FNIP2: variants seen among roughly 807,000 people sequenced by gnomAD.
FNIP2 encodes the protein folliculin-interacting protein 2.
A neutral mutation model predicts 108.7 loss-of-function variants in FNIP2; 32 were observed. That is an observed-to-expected ratio of 0.29 (90% CI 0.22 to 0.40). The LOEUF (loss-of-function observed/expected upper bound fraction) is 0.40, where lower values mean the gene tolerates loss of function less well. Among genes scored for constraint, FNIP2 ranks in the 10% least tolerant of loss-of-function variants. The pLI is 1.00. For synonymous variants in FNIP2, 480 were observed against 496.7 expected, an observed-to-expected ratio of 0.97 and a Z score of 0.45; for missense variants, 1,202 against 1,381.6, an observed-to-expected ratio of 0.87 and a Z score of 2.06.
At chr4:158,784,263 T>C (rs1207414893) in intron 1 of FNIP2, among the ~76,000 whole-genome samples, 1 of 152,230 alleles carries the variant, frequency 6.6e-6, no homozygotes. Context: ...AAATTACTTC[T>C]GTAGAAATTC....
At chr4:158,804,654 C>T (rs866846884) in intron 1 of FNIP2, among the ~76,000 whole-genome samples, 43 of 152,120 alleles carry the variant, frequency 2.8e-4, no homozygotes, top group African/African-American at 1.0e-3. Context: ...TCAAGTAGTC[C>T]TCTCGCCTTG....
chr4:158,900,178 G>A (rs571026795), intron 16 of FNIP2, among the ~76,000 whole-genome samples: 1 of 152,290 alleles, frequency 6.6e-6, no homozygotes, highest in Non-Finnish European at 1.5e-5. Context: ...TTAATCCTGA[G>A]TTCTAATTTG....
At chr4:158,878,738 G>C (rs975325255) in intron 14 of FNIP2, among the ~76,000 whole-genome samples, 1 of 152,026 alleles carries the variant, frequency 6.6e-6, no homozygotes, top group African/African-American at 2.4e-5. Flanking sequence ...AGGAGAATCA[G>C]CACTCCTCCA....
intron 1 of FNIP2, among the ~76,000 whole-genome samples, chr4:158,813,891 C>A (rs556059009): frequency 6.6e-6 from 1 of 152,226 alleles, no homozygotes; most frequent in Admixed American, 6.5e-5. Flanking sequence ...CTTTTTTTTG[C>A]ACCTGGATGT....
rs959158472 is a variant in FNIP2, at chr4:158,851,259, C to A, written c.728-62C>A. The stretch of plus-strand genomic sequence containing the variant: ...TATTAAATACATTCTTAATGTTGTG[C>A]ATTATGTAGCTACATGAGGACTAAT... On this transcript the variant is annotated intron_variant, in intron 7 of 16. Transcript: ENST00000264433. 1.4e-5 allele frequency: 22 copies of A among 1,568,528 alleles called. No individual in the cohort carries two copies. The African/African-American group carries it at 2.8e-4, about 20-fold the overall frequency.
chr4:158,842,657 C>T (rs753838387), intron 7 of FNIP2, among the ~76,000 whole-genome samples: 1 of 152,062 alleles, frequency 6.6e-6, no homozygotes, highest in South Asian at 2.1e-4. Flanking sequence ...AACATATCCA[C>T]GTAACAAAAC....
At position 158,868,669 on chromosome 4, in the gene FNIP2, A is replaced by G; in HGVS notation, c.2033A>G (p.Asp678Gly). The G allele has an allele frequency of 6.2e-7, 1 of 1,614,044 alleles. No homozygotes were observed. Among genetic ancestry groups the G allele is most frequent in the Non-Finnish European group, 8.5e-7 (1 of 1,179,902 alleles). ...GTTTTGGGGGCAGGAATGAAGATGG[A>G]CCAGCAAGCTGTCTGTGAGCTGTTG... is the stretch of plus-strand genomic sequence containing the variant. ...CEVLGAGMKM[D>G]QQAVCELLKV... Residue 678 changes from aspartate (D) to glycine (G), a missense_variant, in exon 13 of 17, where the codon GAC becomes GGC. This residue lies in a region of FNIP2 where 878 missense variants were observed against 990.3 expected (regional missense o/e 0.89). Coordinates refer to ENST00000264433, the MANE Select transcript of FNIP2 (RefSeq NM_020840.3). The surrounding 1 kb of genome is among the most constrained non-coding windows in gnomAD (Gnocchi z 4.6).
rs879426999 is a variant in FNIP2, at chr4:158,868,026, C to G, written c.1466-76C>G. 1.3e-6 allele frequency: 2 copies of G among 1,548,584 alleles called. No homozygotes were observed. The highest frequency in any genetic ancestry group is 1.7e-6 in the Non-Finnish European group (2 of 1,143,216). ...TTGGGAATATAAGTTATCTGTTTTG[C>G]TCTTGTAAAGACGGATATATCTGTG... On this transcript the variant is annotated intron_variant, in intron 12 of 16. Coordinates refer to ENST00000264433, the MANE Select transcript of FNIP2 (RefSeq NM_020840.3). This position sits in a 1 kb window ranked among gnomAD's most constrained non-coding sequence, Gnocchi z 4.6.
chr4:158,769,148 CCCCCGGCTGCGCGCTGAGCCGCCGG>C lies in FNIP2; in HGVS notation c.-60_-36del. The C allele has an allele frequency of 1.3e-6, 1 of 784,202 alleles. No individual in the cohort carries two copies. Among genetic ancestry groups the C allele is most frequent in the Non-Finnish European group, 1.5e-6 (1 of 646,224 alleles). The allele number at this position is 784,202 out of a possible 1,614,324, so 48.6% of individuals were successfully genotyped here. A position where few individuals can be genotyped will look rare whatever the true frequency, so the allele number is the denominator to read the frequency against. On this transcript the variant is annotated 5_prime_UTR_variant, in exon 1 of 17. The change abolishes the stop of an existing upstream ORF in the 5' untranslated region. Transcript: ENST00000264433. ...GATGGCCCCGCCACCGCGGCCGCCG[CCCCCGGCTGCGCGCTGAGCCGCCGG>C]CCCCCCGAGCGCCACGGCCGGAGCT...
Position 158,870,427 on chromosome 4 carries a change from G to T in FNIP2, c.2907G>T (p.Lys969Asn), listed in dbSNP as rs1382634670. The T allele has an allele frequency of 6.2e-7, 1 of 1,613,880 alleles. No homozygotes were observed. Among genetic ancestry groups the T allele is most frequent in the African/African-American group, 1.3e-5 (1 of 74,952 alleles). The change falls in exon 14 of 17, where the codon AAG (lysine) becomes AAT (asparagine). Residue 969 changes from lysine (K) to asparagine (N), a missense_variant. Coordinates refer to ENST00000264433, the MANE Select transcript of FNIP2 (RefSeq NM_020840.3). ...LVLHGTGSDE[K>N]LKQCLVADLV... ...TTCATGGGACCGGCAGTGATGAGAAGCTGAAGCAGTGCCTGGTGGCCGACC... is the reference window on the plus strand; with the variant it reads ...TTCATGGGACCGGCAGTGATGAGAATCTGAAGCAGTGCCTGGTGGCCGACC...
Position 158,868,588 on chromosome 4 carries a change from A to G in FNIP2, c.1952A>G (p.Asp651Gly), listed in dbSNP as rs1241618174. ...SWKPQNAFCGDEKNKEAPQDG... is the reference protein window; with the variant it reads ...SWKPQNAFCGGEKNKEAPQDG... ...AAACCTCAGAATGCATTTTGTGGGG[A>G]TGAGAAAAATAAAGAGGCACCGCAA... The change falls in exon 13 of 17, where the codon GAT becomes GGT. Residue 651 changes from aspartate to glycine, a missense_variant. Physicochemically the swap from Asp to Gly is moderately conservative, Grantham distance 94. This residue lies in a region of FNIP2 where 878 missense variants were observed against 990.3 expected (regional missense o/e 0.89). Coordinates refer to ENST00000264433, the MANE Select transcript of FNIP2 (RefSeq NM_020840.3). This position sits in a 1 kb window ranked among gnomAD's most constrained non-coding sequence, Gnocchi z 4.6. 1 of 1,613,490 alleles carries G rather than the reference A, an allele frequency of 6.2e-7. No homozygotes were observed. Among genetic ancestry groups the G allele is most frequent in the African/African-American group, 1.3e-5 (1 of 75,010 alleles).
intron 16 of FNIP2, among the ~76,000 whole-genome samples, chr4:158,897,894 T>C (rs1240497369): frequency 6.6e-6 from 1 of 152,238 alleles, no homozygotes; most frequent in East Asian, 1.9e-4. Context: ...TTTGGTGTTT[T>C]AGTCATGAAG....
At chr4:158,899,403 G>A (rs1488304054) in intron 16 of FNIP2, among the ~76,000 whole-genome samples, 2 of 152,230 alleles carry the variant, frequency 1.3e-5, no homozygotes, top group Admixed American at 6.5e-5. Flanking sequence ...TTTTTCTATT[G>A]TTTGGAATAG....
intron 1 of FNIP2, among the ~76,000 whole-genome samples, chr4:158,801,282 C>G (rs1430160935): frequency 6.6e-6 from 1 of 151,910 alleles, no homozygotes; most frequent in Non-Finnish European, 1.5e-5. Context: ...GCAAGGTGTC[C>G]GACAAGATAC....
chr4:158,896,557 AT>A (rs1317002666), intron 16 of FNIP2, among the ~76,000 whole-genome samples: 1 of 152,204 alleles, frequency 6.6e-6, no homozygotes, highest in Non-Finnish European at 1.5e-5. Flanking sequence ...AGAAGAAAAT[AT>A]TTATAATGTC....
At position 158,904,580 on chromosome 4, in the gene FNIP2, A is replaced by C. The variant is rs1286208943; in HGVS notation, c.*36A>C. The C allele has an allele frequency of 1.9e-6, 3 of 1,560,124 alleles. No homozygotes were observed. The highest frequency in any genetic ancestry group is 2.6e-6 in the Non-Finnish European group (3 of 1,136,118). ...AGGACAGTTCTTCCTTGGAAGAAAA[A>C]AATCAAATTCTCAACTGAAGGAGAA... On this transcript the variant is annotated 3_prime_UTR_variant, in exon 17 of 17. Transcript: ENST00000264433.
chr4:158,796,223 T>G (rs1160310091), intron 1 of FNIP2, among the ~76,000 whole-genome samples: 3 of 152,150 alleles, frequency 2.0e-5, no homozygotes, highest in African/African-American at 7.2e-5. Context: ...CTAAAAGAAC[T>G]TAGAGGATTC....
rs1394525304 is a variant in FNIP2, at chr4:158,816,832, C to A, written c.108-9084C>A. ...TCAGTGATTATTGAATTAATATATG[C>A]ATGGAGATGAACAGTAAAGCTCTTT... On this transcript the variant is annotated intron_variant, in intron 1 of 16. Transcript: ENST00000264433. Among the ~76,000 whole-genome samples the A allele has an allele frequency of 2.0e-5, 3 of 149,534 alleles. No homozygotes were observed. The East Asian group carries it at 5.9e-4, about 29-fold the overall frequency.
At chr4:158,835,598 G>GAT (rs1778754026) in intron 7 of FNIP2, 122 bp downstream of exon 7, 2 of 809,898 alleles carry the variant, frequency 2.5e-6, no homozygotes, top group Non-Finnish European at 4.1e-6. Flanking sequence ...TCCTTCCTAA[G>GAT]ATAGTCTGAC....
Sources: gnomAD v4.1 joint callset for allele counts (sites outside exome capture counted in the v4.1 genomes callset) on GRCh38, gnomAD v4.1.1 for gene constraint, gnomAD v4.1.1 regional missense constraint, Gnocchi (gnomAD v3.1) non-coding constraint, MANE v1.5 for transcripts, NCBI Gene and HGNC (gene_info 2026-07-23, HGNC 2026-07-21) for gene names.